EVA1A: variants seen among roughly 807,000 people sequenced by gnomAD.
The protein encoded by EVA1A is protein eva-1 homolog A.
Under a neutral mutation model 9.8 loss-of-function variants are expected in EVA1A, and 7 were observed. The observed-to-expected ratio is 0.71, with a 90% CI of 0.41 to 1.34. The LOEUF (loss-of-function observed/expected upper bound fraction) is 1.34, where lower values mean the gene tolerates loss of function less well. EVA1A is among the 40% of genes most tolerant of loss of function. The pLI is 0.01. For missense variants in EVA1A, 206 were observed against 205.9 expected (o/e 1.00, Z 0.00); for synonymous variants, 90 against 85.6 (o/e 1.05, Z -0.28).
At chr2:75,511,944 G>A (rs1201445678) in intron 3 of EVA1A, among the ~76,000 whole-genome samples, 1 of 152,108 alleles carries the variant, frequency 6.6e-6, no homozygotes, top group Non-Finnish European at 1.5e-5. Flanking sequence ...TAGGAAGAAG[G>A]ATATGAAATG....
chr2:75,567,147 GATAA>G (rs1332740505), intron 1 of EVA1A, among the ~76,000 whole-genome samples: 2 of 152,022 alleles, frequency 1.3e-5, no homozygotes, highest in Non-Finnish European at 2.9e-5. Context: ...TTGTCAATAA[GATAA>G]ATATTTTTAA....
At chr2:75,537,732 G>C (rs77687735) in intron 1 of EVA1A, among the ~76,000 whole-genome samples, 2,349 of 152,192 alleles carry the variant, frequency 0.015, 56 homozygotes, top group African/African-American at 0.054. Flanking sequence ...GTAATGAGTG[G>C]GTTCTCATTC....
intron 1 of EVA1A, among the ~76,000 whole-genome samples, chr2:75,539,334 A>AT: frequency 6.6e-6 from 1 of 152,338 alleles, no homozygotes; most frequent in South Asian, 2.1e-4. Context: ...TAAACAGAAC[A>AT]TGGGCTGATA....
intron 3 of EVA1A, among the ~76,000 whole-genome samples, chr2:75,498,352 A>C (rs1005612708): frequency 6.6e-6 from 1 of 152,046 alleles, no homozygotes; most frequent in African/African-American, 2.4e-5. Context: ...GGGTGGGGGA[A>C]TGGGTTGGAA....
At chr2:75,545,858 G>T (rs916130004) in intron 1 of EVA1A, among the ~76,000 whole-genome samples, 3 of 152,100 alleles carry the variant, frequency 2.0e-5, no homozygotes, top group Non-Finnish European at 4.4e-5. Flanking sequence ...AGAGGAAGGG[G>T]TCATAGCTTC....
At chr2:75,538,048 G>A (rs1019422765) in intron 1 of EVA1A, among the ~76,000 whole-genome samples, 1 of 152,122 alleles carries the variant, frequency 6.6e-6, no homozygotes, top group African/African-American at 2.4e-5. Context: ...CCAGCACTTC[G>A]GGAGACTGAG....
At chr2:75,518,634 C>G in intron 2 of EVA1A, 1 of 987,626 alleles carries the variant, frequency 1.0e-6, no homozygotes, top group Non-Finnish European at 1.2e-6. Flanking sequence ...AAACAATTCC[C>G]CCTTACCACT....
intron 3 of EVA1A, among the ~76,000 whole-genome samples, chr2:75,509,895 A>G (rs1198279119): frequency 2.0e-5 from 3 of 152,152 alleles, no homozygotes. Context: ...TATGCATTTT[A>G]TCTAAAAAAT....
At chr2:75,551,567 A>G (rs941878662) in intron 1 of EVA1A, among the ~76,000 whole-genome samples, 3 of 152,114 alleles carry the variant, frequency 2.0e-5, no homozygotes, top group Non-Finnish European at 4.4e-5. Context: ...GTTGTGCCCT[A>G]GTACTGCCAC....
intron 1 of EVA1A, among the ~76,000 whole-genome samples, chr2:75,538,295 C>A (rs1357503598): frequency 6.6e-6 from 1 of 151,986 alleles, no homozygotes; most frequent in Admixed American, 6.6e-5. Context: ...ACTCCATTCC[C>A]ACCAACAAAA....
chr2:75,492,489 G>A lies in EVA1A; in HGVS notation c.*747C>T, dbSNP rs1022771087. On this transcript the variant is annotated 3_prime_UTR_variant, in exon 4 of 4. Coordinates refer to ENST00000393913, the MANE Select transcript of EVA1A (RefSeq NM_001135032.2). Reference sequence around the variant, plus strand: ...ATAAAATTTTCTTGTCTCCAAAGAGGGGGAAAACACACCACTTTTATTTTT... The same window carrying A: ...ATAAAATTTTCTTGTCTCCAAAGAGAGGGAAAACACACCACTTTTATTTTT... 3 of 151,362 alleles carry A rather than the reference G, an allele frequency of 2.0e-5. No individual in the cohort carries two copies. The highest frequency in any genetic ancestry group is 1.9e-4 in the East Asian group (1 of 5,172). 9.4% of individuals were successfully genotyped at this position (151,362 alleles called of 1,614,324 possible). A position where few individuals can be genotyped will look rare whatever the true frequency, so the allele number is the denominator to read the frequency against.
intron 1 of EVA1A, among the ~76,000 whole-genome samples, chr2:75,548,726 G>T (rs1676415267): frequency 6.6e-6 from 1 of 151,900 alleles, no homozygotes. Context: ...TCCTTTACTG[G>T]ACACCCCCAA....
chr2:75,507,624 G>A, intron 3 of EVA1A, among the ~76,000 whole-genome samples: 1 of 152,106 alleles, frequency 6.6e-6, no homozygotes, highest in East Asian at 1.9e-4. Context: ...GAGTATAGGG[G>A]CCCTCTATGA....
At chr2:75,568,703 A>G (rs1169150601) in intron 1 of EVA1A, among the ~76,000 whole-genome samples, 1 of 152,232 alleles carries the variant, frequency 6.6e-6, no homozygotes, top group Non-Finnish European at 1.5e-5. Context: ...AAGTAAGAGC[A>G]TACAATATTT....
Position 75,518,197 on chromosome 2 carries a change from C to T in EVA1A, c.-57G>A, listed in dbSNP as rs1675083801. The T allele has an allele frequency of 1.6e-5, 26 of 1,597,860 alleles. No individual in the cohort carries two copies. The South Asian group carries it at 3.0e-4, about 18-fold the overall frequency. ...TTGGCTGAATCAACGTGGCCACTCT[C>T]CTTCTTCTCTTCTGTTTGGGAACAT... On this transcript the variant is annotated 5_prime_UTR_variant, in exon 3 of 4. Coordinates refer to ENST00000393913, the MANE Select transcript of EVA1A (RefSeq NM_001135032.2).
chr2:75,525,031 A>G (rs531997782), intron 1 of EVA1A, among the ~76,000 whole-genome samples: 1 of 152,204 alleles, frequency 6.6e-6, no homozygotes, highest in African/African-American at 2.4e-5. Context: ...TTCTTGCCCC[A>G]TATACAAAAT....
chr2:75,507,285 C>A (rs1026709418), intron 3 of EVA1A, among the ~76,000 whole-genome samples: 16 of 152,150 alleles, frequency 1.1e-4, no homozygotes, highest in Non-Finnish European at 1.8e-4. Context: ...AGCCTGTAAC[C>A]AAGACACTAG....
chr2:75,549,843 C>T (rs1676464168), intron 1 of EVA1A, among the ~76,000 whole-genome samples: 1 of 152,162 alleles, frequency 6.6e-6, no homozygotes, highest in East Asian at 1.9e-4. Flanking sequence ...GTGCATTTCA[C>T]TGAGATGTTT....
chr2:75,513,830 A>G (rs1674909377), intron 3 of EVA1A, among the ~76,000 whole-genome samples: 1 of 152,234 alleles, frequency 6.6e-6, no homozygotes, highest in Non-Finnish European at 1.5e-5. Context: ...TAATGAGCCA[A>G]TGTTAGCAAC....
Sources: allele counts gnomAD v4.1 joint callset (sites outside exome capture counted in the v4.1 genomes callset), GRCh38; gene constraint gnomAD v4.1.1; transcripts MANE v1.5; gene names NCBI Gene and HGNC (gene_info 2026-07-23, HGNC 2026-07-21).